The following TMBIM6 variants were observed in gnomAD, a reference collection of about 807,000 sequenced individuals.
The protein encoded by TMBIM6 is bax inhibitor 1.
A neutral mutation model predicts 31.4 loss-of-function variants in TMBIM6; 13 were observed. The ratio of observed to expected loss-of-function variants is 0.41; its 90% CI spans 0.27 to 0.66. The LOEUF is 0.66. TMBIM6 is among the 30% of genes least tolerant of loss of function. The probability of loss-of-function intolerance (pLI) is 0.28; values close to 1 mark genes in which losing one functional copy is unlikely to be tolerated. For missense variants in TMBIM6, 275 were observed against 289.5 expected (o/e 0.95, Z 0.36); for synonymous variants, 85 against 101.7 (o/e 0.84, Z 0.99).
At position 49,761,798 on chromosome 12, in the gene TMBIM6, C is replaced by T; in HGVS notation, c.690+19C>T. The T allele has an allele frequency of 6.2e-7, 1 of 1,612,048 alleles. No individual in the cohort carries two copies. The highest frequency in any genetic ancestry group is 1.3e-5 in the African/African-American group (1 of 74,966). ...TGAAAAGGTTAGTTAGCCTACAACCCAAAGATGAGACAATAATGGCTCCTG... is the reference window on the plus strand; with the variant it reads ...TGAAAAGGTTAGTTAGCCTACAACCTAAAGATGAGACAATAATGGCTCCTG... On this transcript the variant is annotated intron_variant, in intron 9 of 9. Coordinates refer to ENST00000267115, the MANE Select transcript of TMBIM6 (RefSeq NM_003217.3).
Position 49,753,049 on chromosome 12 carries a change from GCCTATGTC to G in TMBIM6, c.135_142del (p.Val47GlyfsTer28), listed in dbSNP as rs1192026834. 1 of 1,613,910 alleles carries G rather than the reference GCCTATGTC, an allele frequency of 6.2e-7. No individual in the cohort carries two copies. Among genetic ancestry groups the G allele is most frequent in the African/African-American group, 1.3e-5 (1 of 74,882 alleles). ...TTGTATGTTTGTGGCGGCTGCAGGG[GCCTATGTC>G]CATATGGTCACTCATTTCATTCAGG... On this transcript the variant is annotated frameshift_variant, in exon 3 of 10. Coordinates refer to ENST00000267115, the MANE Select transcript of TMBIM6 (RefSeq NM_003217.3). LOFTEE classifies it high-confidence loss of function.
At chr12:49,757,487 AAAAG>A (rs1165771814) in intron 4 of TMBIM6, among the ~76,000 whole-genome samples, 1 of 152,222 alleles carries the variant, frequency 6.6e-6, no homozygotes, top group African/African-American at 2.4e-5. Context: ...GATTCTCAAA[AAAAG>A]AAAGGCACAG....
In TMBIM6 at chr12:49,753,095, TC is replaced by T. The variant is rs759314692; in HGVS notation, c.165+15del. ...CATTTCATTCAGGTAAGAACGATTT[TC>T]TCTCCTGGTTGCTGTGGTACAAATT... On this transcript the variant is annotated intron_variant, in intron 3 of 9. Transcript: ENST00000267115. 1.5e-4 allele frequency: 234 copies of T among 1,607,312 alleles called. 3 individuals are homozygous for T. In the Middle Eastern group the frequency reaches 2.6e-3, roughly 18 times the overall value.
At chr12:49,760,942 TGTTTC>T (rs1005944505) in intron 8 of TMBIM6, among the ~76,000 whole-genome samples, 2 of 151,734 alleles carry the variant, frequency 1.3e-5, no homozygotes, top group African/African-American at 2.4e-5. Flanking sequence ...CGGCTTCAGG[TGTTTC>T]TCCTGCCTTA....
At chr12:49,758,597 C>G in intron 6 of TMBIM6, 86 bp from the exon 7 acceptor site, 1 of 1,557,378 alleles carries the variant, frequency 6.4e-7, no homozygotes, top group Non-Finnish European at 8.9e-7. Flanking sequence ...AACCTTCATT[C>G]TGGGGGAAGT....
At chr12:49,743,574 A>G (rs999379359) in intron 1 of TMBIM6, 2 of 152,194 alleles carry the variant, frequency 1.3e-5, no homozygotes, top group African/African-American at 2.4e-5. Context: ...AGGTAAAATT[A>G]ATCTAGATAC....
chr12:49,762,031 A>G (rs560385111), intron 9 of TMBIM6: 8 of 484,470 alleles, frequency 1.7e-5, no homozygotes, highest in African/African-American at 1.6e-4. Flanking sequence ...AGTAAACACA[A>G]CCTGCTACAT....
intron 4 of TMBIM6, among the ~76,000 whole-genome samples, chr12:49,756,725 C>CT (rs529541476): frequency 1.5e-3 from 220 of 147,888 alleles, no homozygotes; most frequent in South Asian, 0.01. Flanking sequence ...ACACCCAGCG[C>CT]TTTTTTTTGT....
intron 4 of TMBIM6, among the ~76,000 whole-genome samples, chr12:49,757,892 T>C (rs925121811): frequency 2.6e-5 from 4 of 152,232 alleles, no homozygotes; most frequent in African/African-American, 9.6e-5. Flanking sequence ...TTCTAATTCC[T>C]GATCTGGCCT....
chr12:49,750,076 C>T (rs1039359246), intron 1 of TMBIM6, among the ~76,000 whole-genome samples: 1 of 152,174 alleles, frequency 6.6e-6, no homozygotes, highest in Non-Finnish European at 1.5e-5. Context: ...GACATCTCAT[C>T]CCCCTGCCCC....
intron 1 of TMBIM6, among the ~76,000 whole-genome samples, chr12:49,746,041 A>G (rs1430393377): frequency 6.6e-6 from 1 of 151,408 alleles, no homozygotes; most frequent in African/African-American, 2.4e-5. Flanking sequence ...GAGATTTTTC[A>G]AGTGCCTTTA....
At chr12:49,747,664 A>G (rs11169140) in intron 1 of TMBIM6, among the ~76,000 whole-genome samples, 37,275 of 152,088 alleles carry the variant, frequency 0.25, 7,356 homozygotes, top group African/African-American at 0.55. Context: ...TATTGTCTTC[A>G]TAATAAAACA....
intron 1 of TMBIM6, chr12:49,742,013 G>A: frequency 7.2e-7 from 1 of 1,380,282 alleles, no homozygotes; most frequent in Non-Finnish European, 9.8e-7. Context: ...GTCCTTCCGA[G>A]GTGAAGGAAC....
At chr12:49,756,912 T>C (rs1460716404) in intron 4 of TMBIM6, among the ~76,000 whole-genome samples, 1 of 151,686 alleles carries the variant, frequency 6.6e-6, no homozygotes, top group Non-Finnish European at 1.5e-5. Flanking sequence ...ATCTTTTGTA[T>C]TTTTAGTAGA....
chr12:49,761,994 T>G, intron 9 of TMBIM6: 1 of 510,668 alleles, frequency 2.0e-6, no homozygotes, highest in Non-Finnish European at 3.4e-6. Flanking sequence ...CTGCGTTTAG[T>G]ATGAAAGGGA....
At chr12:49,759,149 C>T (rs1056251111) in intron 7 of TMBIM6, 72 bp from the exon 8 acceptor site, 3 of 1,307,804 alleles carry the variant, frequency 2.3e-6, no homozygotes, top group Non-Finnish European at 3.3e-6. Context: ...GACTATGAGC[C>T]AGAAAGTATG....
At chr12:49,746,500 T>A (rs1945396882) in intron 1 of TMBIM6, among the ~76,000 whole-genome samples, 1 of 152,206 alleles carries the variant, frequency 6.6e-6, no homozygotes, top group African/African-American at 2.4e-5. Context: ...AAGAGCTATT[T>A]TAAGAACTTT....
At chr12:49,762,025 AAC>A (rs1274006294) in intron 9 of TMBIM6, 1 of 494,928 alleles carries the variant, frequency 2.0e-6, no homozygotes, top group African/African-American at 2.0e-5. Context: ...AGTGGCAGTA[AAC>A]ACAACCTGCT....
rs1294033706 is a variant in TMBIM6, at chr12:49,763,795, T to G, written c.*899T>G. 6.6e-6 allele frequency: 1 copy of G among 152,212 alleles called. No homozygotes were observed. Among genetic ancestry groups the G allele is most frequent in the Non-Finnish European group, 1.5e-5 (1 of 68,074 alleles). 9.4% of individuals were successfully genotyped at this position (152,212 alleles called of 1,614,324 possible). On this transcript the variant is annotated 3_prime_UTR_variant, in exon 10 of 10. Transcript: ENST00000267115. ...AGCCTCTGGAGATCATTGTAACCAATCCTGCCAGACCTGTTTGGGGCAGTG... is the reference window on the plus strand; with the variant it reads ...AGCCTCTGGAGATCATTGTAACCAAGCCTGCCAGACCTGTTTGGGGCAGTG...
Sources: gnomAD v4.1 joint callset for allele counts (sites outside exome capture counted in the v4.1 genomes callset) on GRCh38, gnomAD v4.1.1 for gene constraint, MANE v1.5 for transcripts, NCBI Gene and HGNC (gene_info 2026-07-23, HGNC 2026-07-21) for gene names.